The following KCNH1 variants were observed in gnomAD, a reference collection of about 807,000 sequenced individuals.
The protein encoded by KCNH1 is voltage-gated delayed rectifier potassium channel KCNH1.
In KCNH1, 27 loss-of-function variants were observed where a neutral mutation model predicts 69.2. The observed-to-expected ratio is 0.39, with a 90% CI of 0.29 to 0.54. The LOEUF is 0.54. KCNH1 is among the 20% of genes least tolerant of loss of function. The pLI, the probability that KCNH1 is intolerant of heterozygous loss-of-function variation, is 0.68. For synonymous variants in KCNH1, 456 were observed against 487.7 expected (o/e 0.93, Z 0.86); for missense variants, 798 against 1,261.6 (o/e 0.63, Z 5.57).
intron 10 of KCNH1, among the ~76,000 whole-genome samples, chr1:210,732,796 A>T (rs1050901182): frequency 2.0e-5 from 3 of 152,188 alleles, no homozygotes; most frequent in African/African-American, 7.2e-5. Flanking sequence ...CCTCTTTTAT[A>T]AGGGCATTAA....
intron 5 of KCNH1, among the ~76,000 whole-genome samples, chr1:211,021,577 CACA>C (rs1386156708): frequency 4.9e-5 from 3 of 61,768 alleles, no homozygotes; most frequent in African/African-American, 1.8e-4. Flanking sequence ...ACATAGACTA[CACA>C]CACACACACA....
At chr1:210,799,280 G>A (rs916177498) in intron 8 of KCNH1, among the ~76,000 whole-genome samples, 3 of 152,006 alleles carry the variant, frequency 2.0e-5, no homozygotes, top group Non-Finnish European at 2.9e-5. Flanking sequence ...TAAATAACTC[G>A]CCAAAAATTG....
intron 9 of KCNH1, among the ~76,000 whole-genome samples, chr1:210,786,804 A>G (rs1684112807): frequency 6.6e-6 from 1 of 152,220 alleles, no homozygotes. Context: ...AAGTCATTCC[A>G]GGCTTTTTTC....
At chr1:210,702,954 ATATTTTAAAAAATTGTTTT>A (rs1354363942) in intron 10 of KCNH1, among the ~76,000 whole-genome samples, 2 of 152,164 alleles carry the variant, frequency 1.3e-5, no homozygotes, top group Non-Finnish European at 2.9e-5. Context: ...CTAGGTTTCT[ATATTTTAAAAAATTGTTTT>A]TATATCATTT....
chr1:210,746,569 CT>C (rs71303042), intron 10 of KCNH1, among the ~76,000 whole-genome samples: 15 of 148,152 alleles, frequency 1.0e-4, no homozygotes, highest in Admixed American at 2.0e-4. Context: ...TTCTTTCTTT[CT>C]TTTTTTTTTT....
chr1:211,133,609 A>G lies in KCNH1; in HGVS notation c.79+258T>C, dbSNP rs1275459916. Among the ~76,000 whole-genome samples, 1 of 152,060 alleles carries G rather than the reference A, an allele frequency of 6.6e-6. No homozygotes were observed. Among genetic ancestry groups the G allele is most frequent in the African/African-American group, 2.4e-5 (1 of 41,404 alleles). On this transcript the variant is annotated intron_variant, in intron 1 of 10. Transcript: ENST00000271751. The surrounding 1 kb of genome is among the most constrained non-coding windows in gnomAD (Gnocchi z 5.4). ...CAGCAGCTGTCACGCATCCTTGGAG[A>G]TAAGACCGAGAGGGCGCTAGAAAGG... is the stretch of plus-strand genomic sequence containing the variant.
chr1:210,967,547 G>C (rs1349128804), intron 6 of KCNH1, among the ~76,000 whole-genome samples: 1 of 152,034 alleles, frequency 6.6e-6, no homozygotes, highest in Non-Finnish European at 1.5e-5. Context: ...ACCAGTTATT[G>C]AGTGGTCCTT....
chr1:210,944,204 T>C (rs1438438639), intron 6 of KCNH1, among the ~76,000 whole-genome samples: 1 of 152,180 alleles, frequency 6.6e-6, no homozygotes, highest in Non-Finnish European at 1.5e-5. Flanking sequence ...CATAAGGGTG[T>C]TTTTTAGAAA....
At chr1:210,893,811 T>G (rs1417662801) in intron 7 of KCNH1, among the ~76,000 whole-genome samples, 2 of 152,102 alleles carry the variant, frequency 1.3e-5, no homozygotes, top group Non-Finnish European at 2.9e-5. Context: ...TGTATTTTAT[T>G]TGGATAGTGC....
intron 7 of KCNH1, among the ~76,000 whole-genome samples, chr1:210,876,083 G>T (rs1488738428): frequency 1.3e-5 from 2 of 152,114 alleles, no homozygotes; most frequent in Non-Finnish European, 2.9e-5. Context: ...ATTTGGGAAG[G>T]TTGCAAGCAA....
chr1:210,943,385 G>T, intron 6 of KCNH1, among the ~76,000 whole-genome samples: 1 of 151,428 alleles, frequency 6.6e-6, no homozygotes, highest in Non-Finnish European at 1.5e-5. Flanking sequence ...GTCTCTCTCT[G>T]TTGCCCAGGC....
intron 7 of KCNH1, among the ~76,000 whole-genome samples, chr1:210,857,371 C>T (rs763301645): frequency 2.6e-5 from 4 of 151,928 alleles, no homozygotes; most frequent in Admixed American, 6.6e-5. Context: ...TTTGTTTATG[C>T]GTAAGGCCGG....
rs1681263722 is a variant in KCNH1, at chr1:210,681,464, C to T, written c.*1817G>A. ...TGAGGTTAGGGCTCATGGAGCAGGACTCTCCCTTGAGCTCGCAGGCCTTGT... is the reference window on the plus strand; with the variant it reads ...TGAGGTTAGGGCTCATGGAGCAGGATTCTCCCTTGAGCTCGCAGGCCTTGT... On this transcript the variant is annotated 3_prime_UTR_variant, in exon 11 of 11. Coordinates refer to ENST00000271751, the MANE Select transcript of KCNH1 (RefSeq NM_172362.3). The T allele has an allele frequency of 6.6e-6, 1 of 152,246 alleles. No individual in the cohort carries two copies. The highest frequency in any genetic ancestry group is 2.4e-5 in the African/African-American group (1 of 41,458). 9.4% of individuals were successfully genotyped at this position (152,246 alleles called of 1,614,324 possible). A position where few individuals can be genotyped will look rare whatever the true frequency, so the allele number is the denominator to read the frequency against.
intron 7 of KCNH1, among the ~76,000 whole-genome samples, chr1:210,841,495 A>G (rs935247649): frequency 6.6e-6 from 1 of 152,200 alleles, no homozygotes; most frequent in African/African-American, 2.4e-5. Flanking sequence ...CGAAATGATA[A>G]CTTCTACTCC....
intron 1 of KCNH1, among the ~76,000 whole-genome samples, chr1:211,113,742 G>T (rs1691513741): frequency 6.6e-6 from 1 of 152,100 alleles, no homozygotes; most frequent in South Asian, 2.1e-4. Context: ...GTCCCCAACT[G>T]CCCGTGGCTG....
At chr1:210,936,339 T>C (rs1377498666) in intron 6 of KCNH1, among the ~76,000 whole-genome samples, 1 of 152,214 alleles carries the variant, frequency 6.6e-6, no homozygotes, top group Non-Finnish European at 1.5e-5. Flanking sequence ...AACATCTTCA[T>C]AGGTTGTTCT....
At chr1:210,909,886 C>CT (rs1687192663) in intron 7 of KCNH1, among the ~76,000 whole-genome samples, 1 of 152,224 alleles carries the variant, frequency 6.6e-6, no homozygotes, top group Non-Finnish European at 1.5e-5. Flanking sequence ...TCTAAACAAA[C>CT]TGAGTCATAT....
chr1:210,889,637 A>G (rs1162458302), intron 7 of KCNH1, among the ~76,000 whole-genome samples: 2 of 152,226 alleles, frequency 1.3e-5, no homozygotes, highest in Non-Finnish European at 2.9e-5. Context: ...AGATGACATG[A>G]TTGTATATTT....
At position 210,935,182 on chromosome 1, in the gene KCNH1, TAAAA is replaced by T. The variant is rs56135512; in HGVS notation, c.1033-15117_1033-15114del. Among the ~76,000 whole-genome samples the T allele has an allele frequency of 1.9e-4, 26 of 133,590 alleles. No homozygotes were observed. The South Asian group carries it at 4.5e-3, about 23-fold the overall frequency. 87.6% of individuals were successfully genotyped at this position (133,590 alleles called of 152,430 possible). On this transcript the variant is annotated intron_variant, in intron 6 of 10. Coordinates refer to ENST00000271751, the MANE Select transcript of KCNH1 (RefSeq NM_172362.3). ...CACACACACGAATAGTATTCAGCCA[TAAAA>T]AAAAAAATAAAATCCTGCCATTTGC...
Sources: allele counts gnomAD v4.1 joint callset (sites outside exome capture counted in the v4.1 genomes callset), GRCh38; gene constraint gnomAD v4.1.1; non-coding constraint Gnocchi (gnomAD v3.1); transcripts MANE v1.5; gene names NCBI Gene and HGNC (gene_info 2026-07-23, HGNC 2026-07-21).